The following ACOX1 variants were observed in gnomAD, a reference collection of about 807,000 sequenced individuals.
The protein encoded by ACOX1 is acyl-CoA oxidase 1.
ACOX1 carries 41 observed loss-of-function variants against 75.5 expected under a neutral mutation model. The ratio of observed to expected loss-of-function variants is 0.54; its 90% CI spans 0.42 to 0.70. The LOEUF (loss-of-function observed/expected upper bound fraction) is 0.70. ACOX1 is among the 30% of genes least tolerant of loss of function. The probability of loss-of-function intolerance (pLI) is 0.00; values close to 1 mark genes in which losing one functional copy is unlikely to be tolerated. For synonymous variants in ACOX1, 303 were observed against 298.8 expected (o/e 1.01, Z -0.15); for missense variants, 630 against 837.5 (o/e 0.75, Z 3.06).
chr17:75,950,652 AG>A lies in ACOX1; in HGVS notation c.1298+121del. 2 of 1,141,392 alleles carry A rather than the reference AG, an allele frequency of 1.8e-6. No homozygotes were observed. Among genetic ancestry groups the A allele is most frequent in the Non-Finnish European group, 2.6e-6 (2 of 781,008 alleles). The allele number at this position is 1,141,392 out of a possible 1,614,324, so 70.7% of individuals were successfully genotyped here. ...ACCGTGAGTCAGGATGGAAGGCAAA[AG>A]TATACCTTTCAGGAACAAATATATA... On this transcript the variant is annotated intron_variant, in intron 9 of 13. Coordinates refer to ENST00000293217, the MANE Select transcript of ACOX1 (RefSeq NM_004035.7). The surrounding 1 kb of genome is among the most constrained non-coding windows in gnomAD (Gnocchi z 4.3).
intron 3 of ACOX1, among the ~76,000 whole-genome samples, chr17:75,958,747 G>A (rs539068420): frequency 1.7e-4 from 26 of 150,474 alleles, no homozygotes; most frequent in African/African-American, 5.9e-4. Flanking sequence ...GGTGGAGCTT[G>A]CAGTGAGCTG....
In ACOX1 at chr17:75,960,723, A is replaced by G. The variant is rs2065879052; in HGVS notation, c.270-348T>C. Among the ~76,000 whole-genome samples the G allele has an allele frequency of 6.6e-6, 1 of 152,208 alleles. No homozygotes were observed. On this transcript the variant is annotated intron_variant, in intron 2 of 13. Coordinates refer to ENST00000293217, the MANE Select transcript of ACOX1 (RefSeq NM_004035.7). This position sits in a 1 kb window ranked among gnomAD's most constrained non-coding sequence, Gnocchi z 4.4. The stretch of plus-strand genomic sequence containing the variant: ...GCCAGTGCAGTGGATCATGCCTACA[A>G]TCTCAGCACTTTGGGAGGCCAAGGC...
chr17:75,943,144 C>T lies in ACOX1; in HGVS notation c.*3604G>A, dbSNP rs1377095937. The T allele has an allele frequency of 1.3e-5, 2 of 149,480 alleles. No homozygotes were observed. The highest frequency in any genetic ancestry group is 4.9e-5 in the African/African-American group (2 of 40,408). The allele number at this position is 149,480 out of a possible 1,614,324, so 9.3% of individuals were successfully genotyped here. On this transcript the variant is annotated 3_prime_UTR_variant, in exon 14 of 14. Coordinates refer to ENST00000293217, the MANE Select transcript of ACOX1 (RefSeq NM_004035.7). The stretch of plus-strand genomic sequence containing the variant: ...AGGAGGCTGAGGTGGGAGAATCGCT[C>T]GAACCCGGGAGGTGAAGATTGCAGT...
intron 2 of ACOX1, among the ~76,000 whole-genome samples, chr17:75,964,702 T>C (rs2065914675): frequency 6.6e-6 from 1 of 152,230 alleles, no homozygotes; most frequent in Non-Finnish European, 1.5e-5. Context: ...TTAAGCCAAG[T>C]ATTTGTTTTA....
At chr17:75,968,088 G>T (rs185830916) in intron 2 of ACOX1, among the ~76,000 whole-genome samples, 1 of 151,188 alleles carries the variant, frequency 6.6e-6, no homozygotes, top group Non-Finnish European at 1.5e-5. Flanking sequence ...ATCAAAACAC[G>T]TAATAACATC....
intron 2 of ACOX1, among the ~76,000 whole-genome samples, chr17:75,975,144 G>A (rs547475629): frequency 2.0e-5 from 3 of 150,682 alleles, no homozygotes; most frequent in East Asian, 1.9e-4. Flanking sequence ...AGTACTACAC[G>A]GTTATCCCCG....
chr17:75,977,759 T>C (rs1040311246), intron 2 of ACOX1, among the ~76,000 whole-genome samples: 4 of 152,076 alleles, frequency 2.6e-5, no homozygotes, highest in Non-Finnish European at 4.4e-5. Context: ...GCGTCACAGA[T>C]CATTCTTCAT....
intron 2 of ACOX1, among the ~76,000 whole-genome samples, chr17:75,971,025 C>G (rs1402575300): frequency 6.6e-6 from 1 of 152,228 alleles, no homozygotes; most frequent in African/African-American, 2.4e-5. Context: ...GGCATGATGG[C>G]TCACGCCTAT....
chr17:75,949,527 G>C lies in ACOX1; in HGVS notation c.1552C>G (p.Leu518Val). The C allele has an allele frequency of 6.2e-7, 1 of 1,614,220 alleles. No individual in the cohort carries two copies. Among genetic ancestry groups the C allele is most frequent in the Non-Finnish European group, 8.5e-7 (1 of 1,180,034 alleles). ...HRKSKEVAWN[L>V]TSVDLVRASE... Reference sequence around the variant, plus strand: ...GCTCGAACAAGGTCAACAGAAGTTAGGTTCCAAGCTACCTCCTTGCTTTTT... The same window carrying C: ...GCTCGAACAAGGTCAACAGAAGTTACGTTCCAAGCTACCTCCTTGCTTTTT... The change falls in exon 11 of 14, where the codon CTA (leucine) becomes GTA (valine). Residue 518 changes from leucine (L) to valine (V), a missense_variant. This residue lies in a region of ACOX1 where 240 missense variants were observed against 262.7 expected (regional missense o/e 0.91). Transcript: ENST00000293217.
At chr17:75,961,816 G>A (rs538662822) in intron 2 of ACOX1, among the ~76,000 whole-genome samples, 17 of 152,048 alleles carry the variant, frequency 1.1e-4, no homozygotes, top group African/African-American at 3.9e-4. Flanking sequence ...TGGGTGTGGT[G>A]GCATGTGCCT....
At chr17:75,971,601 G>C (rs941840040) in intron 2 of ACOX1, among the ~76,000 whole-genome samples, 7 of 151,970 alleles carry the variant, frequency 4.6e-5, no homozygotes, top group African/African-American at 1.5e-4. Flanking sequence ...AATTAGCCGG[G>C]CATGGTGGCA....
intron 13 of ACOX1, among the ~76,000 whole-genome samples, chr17:75,947,990 T>A (rs937301330): frequency 5.3e-5 from 8 of 152,138 alleles, no homozygotes; most frequent in African/African-American, 1.9e-4. Flanking sequence ...AGTGCTGGGA[T>A]TACAGGTGTG....
In ACOX1 at chr17:75,953,701, G is replaced by GA. The variant is rs1185412173; in HGVS notation, c.775-82dup. 8 of 1,529,036 alleles carry GA rather than the reference G, an allele frequency of 5.2e-6. No homozygotes were observed. The East Asian group carries it at 1.8e-4, about 35-fold the overall frequency. 94.7% of individuals were successfully genotyped at this position (1,529,036 alleles called of 1,614,324 possible). A position where few individuals can be genotyped will look rare whatever the true frequency, so the allele number is the denominator to read the frequency against. On this transcript the variant is annotated intron_variant, in intron 6 of 13. Coordinates refer to ENST00000293217, the MANE Select transcript of ACOX1 (RefSeq NM_004035.7). ...AGTGGTTCTCAAAGTGTGGTCCCTG[G>GA]AATAGCAGCATCAGCATCACCTGGC... is the stretch of plus-strand genomic sequence containing the variant.
Position 75,948,377 on chromosome 17 carries a change from A to T in ACOX1, c.1809T>A (p.Ala603=), listed in dbSNP as rs758034255. 1.6e-5 allele frequency: 26 copies of T among 1,614,062 alleles called. 1 individual carries two copies. In the South Asian group the frequency reaches 2.7e-4, roughly 17 times the overall value. ...KELLTLIRSD[A]VALVDAFDFQ... ...AATCAAATGCATCAACCAAAGCAAC[A>T]GCATCTGAGCGAATCAGAGTGAGTA... Residue 603 remains alanine (A), a synonymous_variant, in exon 13 of 14, where the codon GCT becomes GCA. Transcript: ENST00000293217.
chr17:75,958,780 C>T (rs1407330667), intron 3 of ACOX1, among the ~76,000 whole-genome samples: 3 of 147,252 alleles, frequency 2.0e-5, no homozygotes, highest in Non-Finnish European at 4.4e-5. Flanking sequence ...TGCACTCCAG[C>T]CTGGGCGACA....
intron 7 of ACOX1, chr17:75,953,190 T>A (rs548577708): frequency 1.1e-5 from 4 of 370,538 alleles, no homozygotes; most frequent in Non-Finnish European, 2.1e-5. Context: ...TTATTACTAT[T>A]TTTCTTAAAA....
intron 2 of ACOX1, chr17:75,973,876 G>A: frequency 7.6e-7 from 1 of 1,319,638 alleles, no homozygotes; most frequent in Admixed American, 1.9e-5. Context: ...CCTTCAAGGA[G>A]AAGGTCAGGA....
Position 75,943,814 on chromosome 17 carries a change from T to C in ACOX1, c.*2934A>G, listed in dbSNP as rs1041715399. 4 of 152,314 alleles carry C rather than the reference T, an allele frequency of 2.6e-5. No homozygotes were observed. The highest frequency in any genetic ancestry group is 2.1e-4 in the South Asian group (1 of 4,828). The allele number at this position is 152,314 out of a possible 1,614,324, so 9.4% of individuals were successfully genotyped here. Reference sequence around the variant, plus strand: ...AACACTTGGGCAAGAAGAAAATCCATTGCAAATAGCCAACACATTTCTATT... The same window carrying C: ...AACACTTGGGCAAGAAGAAAATCCACTGCAAATAGCCAACACATTTCTATT... On this transcript the variant is annotated 3_prime_UTR_variant, in exon 14 of 14. Coordinates refer to ENST00000293217, the MANE Select transcript of ACOX1 (RefSeq NM_004035.7).
chr17:75,967,549 T>C (rs1171862855), intron 2 of ACOX1, among the ~76,000 whole-genome samples: 1 of 148,832 alleles, frequency 6.7e-6, no homozygotes, highest in African/African-American at 2.5e-5. Flanking sequence ...ATGTGTTAAA[T>C]ATATAAAGCA....
Sources: gnomAD v4.1 joint callset for allele counts (sites outside exome capture counted in the v4.1 genomes callset) on GRCh38, gnomAD v4.1.1 for gene constraint, gnomAD v4.1.1 regional missense constraint, Gnocchi (gnomAD v3.1) non-coding constraint, MANE v1.5 for transcripts, NCBI Gene and HGNC (gene_info 2026-07-23, HGNC 2026-07-21) for gene names.